Variants in BRSK2 observed in about 807,000 individuals in gnomAD.
BRSK2 encodes the protein serine/threonine-protein kinase BRSK2.
A neutral mutation model predicts 83.3 loss-of-function variants in BRSK2; 19 were observed. That is an observed-to-expected ratio of 0.23 (90% CI 0.16 to 0.33). The LOEUF (loss-of-function observed/expected upper bound fraction) is 0.33. Ranked by LOEUF, BRSK2 falls within the 10% of genes least tolerant of loss-of-function variation. The pLI is 1.00. For missense variants in BRSK2, 798 were observed against 1,042.3 expected, an observed-to-expected ratio of 0.77 and a Z score of 3.23; for synonymous variants, 519 against 435.4, an observed-to-expected ratio of 1.19 and a Z score of -2.39.
chr11:1,461,171 T>G lies in BRSK2; in HGVS notation c.*448T>G. 5.4e-6 allele frequency: 5 copies of G among 920,168 alleles called. No homozygotes were observed. The highest frequency in any genetic ancestry group is 2.9e-5 in the East Asian group (1 of 34,884). The allele number at this position is 920,168 out of a possible 1,614,324, so 57.0% of individuals were successfully genotyped here. ...GAGGAAGGCCAGGCTCGGGGGAGCC[T>G]CCTCCAGCCCGGCCGACCCGGACTC... On this transcript the variant is annotated 3_prime_UTR_variant, in exon 20 of 20. Coordinates refer to ENST00000528841, the MANE Select transcript of BRSK2 (RefSeq NM_001256627.2).
chr11:1,446,045 TAGCTG>T (rs1590615115), intron 12 of BRSK2, 138 bp downstream of exon 12: 12 of 810,000 alleles, frequency 1.5e-5, no homozygotes, highest in Admixed American at 9.9e-5. Context: ...AAACTGGGCT[TAGCTG>T]GGCTGGGCTG....
At chr11:1,435,674 G>C (rs116992734) in intron 1 of BRSK2, among the ~76,000 whole-genome samples, 1 of 151,148 alleles carries the variant, frequency 6.6e-6, no homozygotes, top group East Asian at 2.0e-4. Flanking sequence ...CAGGGTGTGC[G>C]GGGGACAGCC....
chr11:1,459,081 T>C, intron 18 of BRSK2, 111 bp from the exon 19 acceptor site: 24 of 574,422 alleles, frequency 4.2e-5, no homozygotes, highest in South Asian at 1.3e-4. Flanking sequence ...TCTGGGGCCC[T>C]ACCCACTCCT....
chr11:1,390,355 C>A lies in BRSK2; in HGVS notation c.71C>A (p.Thr24Lys). 9.7e-7 allele frequency: 1 copy of A among 1,034,448 alleles called. No homozygotes were observed. 64.1% of individuals were successfully genotyped at this position (1,034,448 alleles called of 1,614,324 possible). Residue 24 changes from threonine to lysine, a missense_variant, in exon 1 of 20, where the codon ACG (threonine) becomes AAG (lysine). Transcript: ENST00000528841. The surrounding 1 kb of genome is among the most constrained non-coding windows in gnomAD (Gnocchi z 6.8). ...GTTGGGCCCTACCGGCTGGAGAAGA[C>A]GCTGGGCAAGGGGCAGACAGGTGCG... ...QYVGPYRLEK[T>K]LGKGQTGLVK... is the part of the protein sequence containing the mutation.
chr11:1,408,770 T>TGTGTGTGTTTGGCTGTGCAAGG (rs1847097655), intron 1 of BRSK2, among the ~76,000 whole-genome samples: 1 of 76,064 alleles, frequency 1.3e-5, no homozygotes, highest in Admixed American at 1.1e-4. Context: ...CAGGGGTGTG[T>TGTGTGTGTTTGGCTGTGCAAGG]GTGTGTGTTT....
At chr11:1,447,473 C>T (rs925892253) in intron 12 of BRSK2, among the ~76,000 whole-genome samples, 1 of 152,222 alleles carries the variant, frequency 6.6e-6, no homozygotes, top group Non-Finnish European at 1.5e-5. Flanking sequence ...GCCACTAGTC[C>T]TGGCATGTCC....
In BRSK2 at chr11:1,411,057, G is replaced by A. The variant is rs1360998110; in HGVS notation, c.91+20682G>A. 9 of 1,099,824 alleles carry A rather than the reference G, an allele frequency of 8.2e-6. No homozygotes were observed. The East Asian group carries it at 4.5e-4, about 54-fold the overall frequency. 68.1% of individuals were successfully genotyped at this position (1,099,824 alleles called of 1,614,324 possible). On this transcript the variant is annotated intron_variant, in intron 1 of 19. Transcript: ENST00000528841. ...TCCCATCACCATGGCAACAGATGGA[G>A]ATTTGGCAGGAAGGAGGAGGGGGCG...
At chr11:1,449,374 A>T (rs1422667200) in intron 12 of BRSK2, among the ~76,000 whole-genome samples, 2 of 152,162 alleles carry the variant, frequency 1.3e-5, no homozygotes, top group Non-Finnish European at 2.9e-5. Flanking sequence ...GAGCTCAGCC[A>T]GGGGGGGCTT....
chr11:1,400,826 G>C (rs1378592188), intron 1 of BRSK2, among the ~76,000 whole-genome samples: 2 of 152,240 alleles, frequency 1.3e-5, no homozygotes, highest in Admixed American at 1.3e-4. Context: ...GCCGGTCCAG[G>C]GCTAGGGCCC....
At chr11:1,398,054 A>C (rs10734285) in intron 1 of BRSK2, among the ~76,000 whole-genome samples, 127,646 of 152,230 alleles carry the variant, frequency 0.84, 54,403 homozygotes, top group African/African-American at 0.96. Context: ...GATGGCTGCA[A>C]GTCGGGCTGA....
chr11:1,394,909 A>C (rs1300559358), intron 1 of BRSK2, among the ~76,000 whole-genome samples: 4 of 82,422 alleles, frequency 4.9e-5, no homozygotes, highest in Admixed American at 2.8e-4. Flanking sequence ...GAGATGGGCC[A>C]TGGAGATGGG....
chr11:1,400,512 G>A (rs1162613120), intron 1 of BRSK2, among the ~76,000 whole-genome samples: 1 of 152,218 alleles, frequency 6.6e-6, no homozygotes, highest in African/African-American at 2.4e-5. Flanking sequence ...GCGGCCGTGG[G>A]TACTGTCTTC....
chr11:1,444,853 C>T, intron 8 of BRSK2, 118 bp from the exon 9 acceptor site: 2 of 895,900 alleles, frequency 2.2e-6, no homozygotes, highest in South Asian at 1.4e-5. Flanking sequence ...CACTCACTTG[C>T]CCTCACCCTC....
At chr11:1,417,535 A>T (rs7102257) in intron 1 of BRSK2, among the ~76,000 whole-genome samples, 66,409 of 142,486 alleles carry the variant, frequency 0.47, 15,644 homozygotes, top group Non-Finnish European at 0.52. Flanking sequence ...ACACTGTGTC[A>T]TGCTTCTGTG....
At chr11:1,416,862 T>C (rs866583947) in intron 1 of BRSK2, among the ~76,000 whole-genome samples, 4 of 152,138 alleles carry the variant, frequency 2.6e-5, no homozygotes, top group Non-Finnish European at 4.4e-5. Flanking sequence ...TGTTCTCTCT[T>C]AAAATGTGGC....
At chr11:1,447,934 G>A in intron 12 of BRSK2, 1 of 1,428,574 alleles carries the variant, frequency 7.0e-7, no homozygotes, top group Non-Finnish European at 9.6e-7. Context: ...GGCCGGGCAG[G>A]CACATGGGCG....
Position 1,461,267 on chromosome 11 carries a change from A to G in BRSK2, c.*544A>G, listed in dbSNP as rs1590746384. On this transcript the variant is annotated 3_prime_UTR_variant, in exon 20 of 20. Transcript: ENST00000528841. The stretch of plus-strand genomic sequence containing the variant: ...CTGGGGCCAGGACCCCTGGTGGGCA[A>G]CGTAGCCACAGGAACAGGCCCCGTC... 5 of 526,726 alleles carry G rather than the reference A, an allele frequency of 9.5e-6. No individual in the cohort carries two copies. Among genetic ancestry groups the G allele is most frequent in the East Asian group, 3.5e-5 (1 of 28,400 alleles). 32.6% of individuals were successfully genotyped at this position (526,726 alleles called of 1,614,324 possible).
At position 1,443,155 on chromosome 11, in the gene BRSK2, C is replaced by T. The variant is rs543863092; in HGVS notation, c.564+16C>T. On this transcript the variant is annotated intron_variant, in intron 6 of 19. Transcript: ENST00000528841. ...GGTGATCCGGGTGAGTCAGCGCCGCCGCGTGCAGCTCTGTGGGGCCCAGGG... is the reference window on the plus strand; with the variant it reads ...GGTGATCCGGGTGAGTCAGCGCCGCTGCGTGCAGCTCTGTGGGGCCCAGGG... The T allele has an allele frequency of 1.0e-4, 153 of 1,537,464 alleles. No homozygotes were observed. The East Asian group carries it at 2.6e-3, about 27-fold the overall frequency.
At chr11:1,420,049 G>T (rs908781842) in intron 1 of BRSK2, among the ~76,000 whole-genome samples, 1 of 152,272 alleles carries the variant, frequency 6.6e-6, no homozygotes, top group African/African-American at 2.4e-5. Flanking sequence ...GTTGAGTGCA[G>T]AGCCTCCTCT....
Sources: allele counts gnomAD v4.1 joint callset (sites outside exome capture counted in the v4.1 genomes callset), GRCh38; gene constraint gnomAD v4.1.1; non-coding constraint Gnocchi (gnomAD v3.1); transcripts MANE v1.5; gene names NCBI Gene and HGNC (gene_info 2026-07-23, HGNC 2026-07-21).